The following SORCS2 variants were observed in gnomAD, a reference collection of about 807,000 sequenced individuals.
SORCS2 encodes VPS10 domain-containing receptor SorCS2.
SORCS2 carries 100 observed loss-of-function variants against 141.6 expected under a neutral mutation model. The ratio of observed to expected loss-of-function variants is 0.71; its 90% confidence interval spans 0.60 to 0.83. The LOEUF (loss-of-function observed/expected upper bound fraction) is 0.83. Ranked by LOEUF, SORCS2 falls within the 40% of genes least tolerant of loss-of-function variation. The probability of loss-of-function intolerance (pLI) is 0.00; values close to 1 mark genes in which losing one functional copy is unlikely to be tolerated. For synonymous variants in SORCS2, 789 were observed against 676.9 expected, an observed-to-expected ratio of 1.17 and a Z score of -2.57; for missense variants, 1,646 against 1,560.2, an observed-to-expected ratio of 1.05 and a Z score of -0.93.
intron 1 of SORCS2, among the ~76,000 whole-genome samples, chr4:7,264,149 C>T (rs186586697): frequency 8.2e-4 from 125 of 152,310 alleles, no homozygotes; most frequent in African/African-American, 2.9e-3. Context: ...CTGCGGGACT[C>T]AGAGGTGAAA....
At chr4:7,322,559 C>G (rs1718963919) in intron 1 of SORCS2, among the ~76,000 whole-genome samples, 1 of 152,202 alleles carries the variant, frequency 6.6e-6, no homozygotes, top group Non-Finnish European at 1.5e-5. Flanking sequence ...TGGGTGAATA[C>G]TGTTGATTGA....
intron 1 of SORCS2, among the ~76,000 whole-genome samples, chr4:7,212,157 G>A (rs1225646918): frequency 6.6e-6 from 1 of 152,138 alleles, no homozygotes; most frequent in Non-Finnish European, 1.5e-5. Flanking sequence ...GCCTTTGGAA[G>A]TTGCCTCCTC....
chr4:7,409,833 G>T (rs1218517371), intron 2 of SORCS2, among the ~76,000 whole-genome samples: 1 of 152,184 alleles, frequency 6.6e-6, no homozygotes, highest in Non-Finnish European at 1.5e-5. Context: ...TCTCAGTGTT[G>T]TATATTTGTT....
At chr4:7,501,586 C>A (rs1351187475) in intron 2 of SORCS2, among the ~76,000 whole-genome samples, 1 of 152,196 alleles carries the variant, frequency 6.6e-6, no homozygotes. Context: ...TCAAACTGAA[C>A]CCTGGCAAGG....
intron 2 of SORCS2, among the ~76,000 whole-genome samples, chr4:7,484,489 T>C (rs995567383): frequency 6.6e-6 from 1 of 152,066 alleles, no homozygotes; most frequent in Non-Finnish European, 1.5e-5. Context: ...GAAGCCAGTC[T>C]CTAGCAAGAT....
At chr4:7,656,650 G>A (rs754950281) in intron 5 of SORCS2, among the ~76,000 whole-genome samples, 19 of 152,210 alleles carry the variant, frequency 1.2e-4, no homozygotes, top group Non-Finnish European at 2.2e-4. Context: ...TGGTCTGGCC[G>A]CTTGGGCTTC....
At chr4:7,613,052 G>T (rs62277505) in intron 3 of SORCS2, among the ~76,000 whole-genome samples, 1 of 152,168 alleles carries the variant, frequency 6.6e-6, no homozygotes, top group Non-Finnish European at 1.5e-5. Flanking sequence ...GGAGCCACAG[G>T]CTCTGCCTAC....
chr4:7,437,482 C>G (rs1292643270), intron 2 of SORCS2, among the ~76,000 whole-genome samples: 5 of 152,110 alleles, frequency 3.3e-5, no homozygotes, highest in Admixed American at 2.0e-4. Context: ...CAGCCCCCAC[C>G]CCTTCCCAGA....
At chr4:7,560,613 C>T (rs985932914) in intron 3 of SORCS2, among the ~76,000 whole-genome samples, 1 of 152,110 alleles carries the variant, frequency 6.6e-6, no homozygotes, top group South Asian at 2.1e-4. Context: ...GGCCCCTGCA[C>T]TGACATCTTT....
intron 3 of SORCS2, among the ~76,000 whole-genome samples, chr4:7,570,414 G>A (rs1715310249): frequency 2.0e-5 from 3 of 152,246 alleles, no homozygotes; most frequent in Admixed American, 2.0e-4. Context: ...GGTGGGCCCT[G>A]TCACTAGTCA....
In SORCS2 at chr4:7,192,957, C is replaced by T; in HGVS notation, c.311C>T (p.Pro104Leu). 1.5e-6 allele frequency: 2 copies of T among 1,347,618 alleles called. No individual in the cohort carries two copies. The highest frequency in any genetic ancestry group is 9.4e-7 in the Non-Finnish European group (1 of 1,058,706). 83.5% of individuals were successfully genotyped at this position (1,347,618 alleles called of 1,614,324 possible). ...CCGAGTCCCGGTCCCGCTCCTGGTC[C>T]CGGCGAGGACGGCGCCCCCGCCGCG... ...PGPSPGPAPGPGEDGAPAAGY... is the reference protein window; with the variant it reads ...PGPSPGPAPGLGEDGAPAAGY... The change falls in exon 1 of 27, where the codon CCC (proline) becomes CTC (leucine). Residue 104 changes from proline to leucine, a missense_variant. Transcript: ENST00000507866. This position sits in a 1 kb window ranked among gnomAD's most constrained non-coding sequence, Gnocchi z 4.0.
At chr4:7,600,980 G>A (rs146764501) in intron 3 of SORCS2, among the ~76,000 whole-genome samples, 1,884 of 152,236 alleles carry the variant, frequency 0.012, 59 homozygotes, top group African/African-American at 0.043. Flanking sequence ...CCATCTCCCG[G>A]GTTCAAGTGA....
intron 2 of SORCS2, chr4:7,435,005 G>A (rs1391482383): frequency 8.3e-7 from 1 of 1,206,194 alleles, no homozygotes; most frequent in Non-Finnish European, 1.1e-6. Flanking sequence ...CCCACAGCCT[G>A]ACTCACACCC....
chr4:7,624,673 T>C (rs1719409868), intron 3 of SORCS2, among the ~76,000 whole-genome samples: 1 of 152,248 alleles, frequency 6.6e-6, no homozygotes, highest in Non-Finnish European at 1.5e-5. Context: ...ATGAACAAAT[T>C]GTTCACACGT....
chr4:7,446,819 G>T (rs1418603410), intron 2 of SORCS2, among the ~76,000 whole-genome samples: 4 of 152,240 alleles, frequency 2.6e-5, no homozygotes. Flanking sequence ...CATGGAGATA[G>T]GACCTGTGTC....
intron 8 of SORCS2, among the ~76,000 whole-genome samples, chr4:7,668,568 C>G (rs1178348024): frequency 1.3e-5 from 2 of 152,126 alleles, no homozygotes; most frequent in Non-Finnish European, 2.9e-5. Context: ...CACTGGGCAC[C>G]CTCAGACCTC....
intron 1 of SORCS2, among the ~76,000 whole-genome samples, chr4:7,244,493 G>A (rs1182164334): frequency 1.3e-5 from 2 of 152,210 alleles, no homozygotes; most frequent in Non-Finnish European, 2.9e-5. Context: ...TGCATATTAA[G>A]TGCAGGGTGC....
chr4:7,442,611 C>T lies in SORCS2; in HGVS notation c.548+46256C>T, dbSNP rs1177149299. 3.9e-5 allele frequency among the ~76,000 whole-genome samples: 5 copies of T among 126,620 alleles called. No individual in the cohort carries two copies. The East Asian group carries it at 1.1e-3, about 29-fold the overall frequency. 83.1% of individuals were successfully genotyped at this position (126,620 alleles called of 152,430 possible). A position where few individuals can be genotyped will look rare whatever the true frequency, so the allele number is the denominator to read the frequency against. ...AGCCCAGGTCACCATCCACCCCCTC[C>T]CCCAGCCCAGATGACCCTCCACCCC... On this transcript the variant is annotated intron_variant, in intron 2 of 26. Coordinates refer to ENST00000507866, the MANE Select transcript of SORCS2 (RefSeq NM_020777.3).
chr4:7,255,987 G>A (rs947476861), intron 1 of SORCS2, among the ~76,000 whole-genome samples: 13 of 150,662 alleles, frequency 8.6e-5, no homozygotes, highest in Non-Finnish European at 1.6e-4. Context: ...ACCCGGGATT[G>A]GTGCATGGGG....
Sources: allele counts gnomAD v4.1 joint callset (sites outside exome capture counted in the v4.1 genomes callset), GRCh38; gene constraint gnomAD v4.1.1; non-coding constraint Gnocchi (gnomAD v3.1); transcripts MANE v1.5; gene names NCBI Gene and HGNC (gene_info 2026-07-23, HGNC 2026-07-21).